Variants in CNTN6 observed in about 807,000 individuals in gnomAD.
The protein encoded by CNTN6 is contactin-6.
In CNTN6, 137 loss-of-function variants were observed where a neutral mutation model predicts 122.8. The observed-to-expected ratio is 1.12, with a 90% CI of 0.97 to 1.29. The LOEUF is 1.29. Among genes scored for constraint, CNTN6 ranks in the 50% most tolerant of loss-of-function variants. The pLI is 0.00. For synonymous variants in CNTN6, 570 were observed against 426.0 expected (o/e 1.34, Z -4.16); for missense variants, 1,634 against 1,223.4 (o/e 1.34, Z -5.01).
At chr3:1,145,740 C>T (rs531700556) in intron 1 of CNTN6, among the ~76,000 whole-genome samples, 6 of 152,118 alleles carry the variant, frequency 3.9e-5, no homozygotes, top group South Asian at 4.1e-4. Flanking sequence ...ACATAATGCA[C>T]GTGCACAGGA....
intron 19 of CNTN6, among the ~76,000 whole-genome samples, chr3:1,384,916 A>C (rs149174036): frequency 8.6e-5 from 13 of 151,204 alleles, no homozygotes; most frequent in African/African-American, 3.2e-4. Context: ...CTTACCTCTT[A>C]TCTGAACCCT....
At chr3:1,128,932 A>G (rs2092258106) in intron 1 of CNTN6, among the ~76,000 whole-genome samples, 2 of 151,984 alleles carry the variant, frequency 1.3e-5, no homozygotes, top group African/African-American at 4.8e-5. Flanking sequence ...TTTATTTCTT[A>G]TCTTCTCTAA....
chr3:1,331,152 C>A (rs540152404), intron 11 of CNTN6, among the ~76,000 whole-genome samples: 48 of 152,036 alleles, frequency 3.2e-4, no homozygotes, highest in African/African-American at 1.1e-3. Context: ...CCTTGAAGAT[C>A]CATTCCATTT....
At chr3:1,277,961 A>G (rs2125788125) in intron 4 of CNTN6, among the ~76,000 whole-genome samples, 1 of 152,262 alleles carries the variant, frequency 6.6e-6, no homozygotes, top group East Asian at 1.9e-4. Context: ...TGGTTCTGTC[A>G]CACAGAACTC....
chr3:1,336,921 A>G (rs986965764), intron 11 of CNTN6, among the ~76,000 whole-genome samples: 1 of 152,052 alleles, frequency 6.6e-6, no homozygotes, highest in African/African-American at 2.4e-5. Flanking sequence ...GGAAGAAGGA[A>G]GCCAAAGTAA....
chr3:1,309,172 C>T (rs113916364), intron 7 of CNTN6, among the ~76,000 whole-genome samples: 161 of 152,018 alleles, frequency 1.1e-3, no homozygotes, highest in African/African-American at 3.6e-3. Flanking sequence ...TTCCAATAAA[C>T]GGTGTTTTTG....
At chr3:1,268,348 T>C (rs5025267) in intron 4 of CNTN6, among the ~76,000 whole-genome samples, 68,499 of 151,542 alleles carry the variant, frequency 0.45, 16,423 homozygotes, top group East Asian at 0.82. Context: ...TGGCTCACGC[T>C]TGTAATCCCA....
chr3:1,133,227 A>AT, intron 1 of CNTN6, among the ~76,000 whole-genome samples: 1 of 152,292 alleles, frequency 6.6e-6, no homozygotes, highest in African/African-American at 2.4e-5. Flanking sequence ...TCGAATCTTG[A>AT]CAATGATAAA....
chr3:1,096,954 G>C (rs2090559374), intron 1 of CNTN6, among the ~76,000 whole-genome samples: 1 of 152,022 alleles, frequency 6.6e-6, no homozygotes, highest in African/African-American at 2.4e-5. Flanking sequence ...GGACAATAGA[G>C]GACATTTAAA....
chr3:1,354,742 G>A (rs987756027), intron 12 of CNTN6, among the ~76,000 whole-genome samples: 1 of 151,178 alleles, frequency 6.6e-6, no homozygotes. Flanking sequence ...TTTCATACTG[G>A]CTTCCTTGCT....
intron 5 of CNTN6, among the ~76,000 whole-genome samples, chr3:1,287,445 C>T (rs1391320162): frequency 1.3e-5 from 2 of 152,124 alleles, no homozygotes; most frequent in East Asian, 1.9e-4. Context: ...GTATTAAGTT[C>T]ACCCATAAAA....
chr3:1,115,565 T>C (rs1463227810), intron 1 of CNTN6, among the ~76,000 whole-genome samples: 2 of 152,024 alleles, frequency 1.3e-5, no homozygotes, highest in Non-Finnish European at 2.9e-5. Context: ...CTGGCCAATA[T>C]GGTGAAATCC....
At chr3:1,097,149 C>T (rs749247211) in intron 1 of CNTN6, among the ~76,000 whole-genome samples, 1 of 152,166 alleles carries the variant, frequency 6.6e-6, no homozygotes, top group Non-Finnish European at 1.5e-5. Context: ...AGGCGTAACA[C>T]AGGACATAGT....
At chr3:1,336,882 G>A (rs1703152882) in intron 11 of CNTN6, among the ~76,000 whole-genome samples, 1 of 151,906 alleles carries the variant, frequency 6.6e-6, no homozygotes, top group African/African-American at 2.4e-5. Context: ...CACAAGGAAG[G>A]TATAAAGATC....
At chr3:1,187,660 C>CATA (rs2093648506) in intron 2 of CNTN6, among the ~76,000 whole-genome samples, 1 of 152,198 alleles carries the variant, frequency 6.6e-6, no homozygotes, top group South Asian at 2.1e-4. Context: ...AAATTTGCTA[C>CATA]ATAATTTGTG....
intron 8 of CNTN6, among the ~76,000 whole-genome samples, chr3:1,325,472 C>A (rs1042558017): frequency 1.3e-5 from 2 of 151,844 alleles, no homozygotes; most frequent in African/African-American, 4.8e-5. Context: ...ATTTGATATA[C>A]ATTTTCTAAC....
At chr3:1,136,505 C>T (rs1312316424) in intron 1 of CNTN6, among the ~76,000 whole-genome samples, 2 of 152,116 alleles carry the variant, frequency 1.3e-5, no homozygotes, top group African/African-American at 4.8e-5. Context: ...TACAGAAATC[C>T]TGCAGGAAAG....
At chr3:1,366,146 C>A (rs1708184000) in intron 12 of CNTN6, among the ~76,000 whole-genome samples, 1 of 152,100 alleles carries the variant, frequency 6.6e-6, no homozygotes, top group South Asian at 2.1e-4. Context: ...GAAACTCTTA[C>A]ACATGTTAAA....
intron 4 of CNTN6, among the ~76,000 whole-genome samples, chr3:1,228,459 G>T (rs1018069811): frequency 1.3e-5 from 2 of 152,126 alleles, no homozygotes; most frequent in East Asian, 3.9e-4. Context: ...CCAAAGGCAG[G>T]CTTTATATTA....
Sources: gnomAD v4.1 joint callset for allele counts (sites outside exome capture counted in the v4.1 genomes callset) on GRCh38, gnomAD v4.1.1 for gene constraint, MANE v1.5 for transcripts, NCBI Gene and HGNC (gene_info 2026-07-23, HGNC 2026-07-21) for gene names.